U2SURP: variants seen among roughly 807,000 people sequenced by gnomAD.
The protein encoded by U2SURP is U2 snRNP-associated SURP motif-containing protein.
In U2SURP, 9 loss-of-function variants were observed where a neutral mutation model predicts 144.9. That is an observed-to-expected ratio of 0.06 (90% CI 0.04 to 0.11). The LOEUF is 0.11. Ranked by LOEUF, U2SURP falls within the 10% of genes least tolerant of loss-of-function variation. The pLI is 1.00. For synonymous variants in U2SURP, 408 were observed against 396.8 expected, an observed-to-expected ratio of 1.03 and a Z score of -0.33; for missense variants, 724 against 1,226.7, an observed-to-expected ratio of 0.59 and a Z score of 6.12.
chr3:143,014,935 T>G (rs1050970494), intron 4 of U2SURP, among the ~76,000 whole-genome samples: 1 of 152,258 alleles, frequency 6.6e-6, no homozygotes, highest in East Asian at 1.9e-4. Context: ...TTTGGTTTTT[T>G]TGCTAGTGTT....
intron 16 of U2SURP, among the ~76,000 whole-genome samples, chr3:143,028,852 C>T (rs940079970): frequency 1.3e-5 from 2 of 152,086 alleles, no homozygotes; most frequent in Non-Finnish European, 2.9e-5. Context: ...GAGTTTTCTC[C>T]TGGTAAAATT....
At chr3:143,052,836 C>CTAAGT (rs1396029349) in intron 25 of U2SURP, among the ~76,000 whole-genome samples, 12 of 152,116 alleles carry the variant, frequency 7.9e-5, no homozygotes, top group African/African-American at 2.9e-4. Context: ...TAGTGAAGAA[C>CTAAGT]TAAGTTAGTT....
chr3:143,036,435 A>C (rs1933812401), intron 20 of U2SURP, among the ~76,000 whole-genome samples: 2 of 152,242 alleles, frequency 1.3e-5, no homozygotes, highest in South Asian at 4.1e-4. Context: ...TAGCTATATA[A>C]GTAAAATATG....
intron 5 of U2SURP, 39 bp from the exon 6 acceptor site, chr3:143,016,803 T>A (rs1242493574): frequency 6.8e-7 from 1 of 1,475,080 alleles, no homozygotes; most frequent in Non-Finnish European, 9.0e-7. Flanking sequence ...AGAAAAATAT[T>A]GCGAAATTAG....
chr3:143,022,807 A>T, intron 11 of U2SURP, 46 bp from the exon 12 acceptor site: 1 of 1,481,858 alleles, frequency 6.7e-7, no homozygotes, highest in Non-Finnish European at 9.0e-7. Context: ...TTTTGTTTGG[A>T]AACTTTTGAG....
intron 4 of U2SURP, 38 bp downstream of exon 4, chr3:143,014,447 T>C (rs1303585363): frequency 1.4e-6 from 2 of 1,403,546 alleles, no homozygotes; most frequent in Non-Finnish European, 2.0e-6. Flanking sequence ...TCCTTGGAAA[T>C]GAATGTGTCT....
chr3:143,022,857 A>G lies in U2SURP; in HGVS notation c.1023A>G (p.Lys341=), dbSNP rs1246095981. Reference sequence around the variant, plus strand: ...CCTTTCATTTCTTTCTTGTAGGAAAAATGATTATGTCTTTTGAAATGAAGT... The same window carrying G: ...CCTTTCATTTCTTTCTTGTAGGAAAGATGATTATGTCTTTTGAAATGAAGT... The part of the protein sequence containing the change: ...AERALKNLNG[K]MIMSFEMKLG... The change falls in exon 12 of 28, where the codon AAA becomes AAG. Residue 341 remains lysine (K), a synonymous_variant. Coordinates refer to ENST00000473835, the MANE Select transcript of U2SURP (RefSeq NM_001080415.2). The G allele has an allele frequency of 2.6e-6, 4 of 1,559,832 alleles. No homozygotes were observed. The highest frequency in any genetic ancestry group is 1.4e-5 in the African/African-American group (1 of 72,378).
intron 23 of U2SURP, among the ~76,000 whole-genome samples, 179 bp downstream of exon 23, chr3:143,039,139 T>G (rs779871618): frequency 1.3e-5 from 2 of 151,988 alleles, no homozygotes; most frequent in Non-Finnish European, 2.9e-5. Flanking sequence ...TTTTCTGGTC[T>G]TGATGGATCT....
At position 143,054,938 on chromosome 3, in the gene U2SURP, C is replaced by T. The variant is rs1935067106; in HGVS notation, c.2775-5C>T. On this transcript the variant is annotated splice_polypyrimidine_tract_variant and splice_region_variant and intron_variant, in intron 26 of 27. Transcript: ENST00000473835. The stretch of plus-strand genomic sequence containing the variant: ...ATGGAATGTTTTGGGGGCTTTGTTC[C>T]ATAGGAAGAGGCGACACAGTACATC... 6 of 1,584,820 alleles carry T rather than the reference C, an allele frequency of 3.8e-6. No homozygotes were observed. In the East Asian group the frequency reaches 1.4e-4, roughly 36 times the overall value.
At chr3:143,037,392 C>T (rs1933869674) in intron 21 of U2SURP, 57 bp downstream of exon 21, 2 of 1,502,840 alleles carry the variant, frequency 1.3e-6, no homozygotes, top group Admixed American at 1.8e-5. Flanking sequence ...GACCAAAACT[C>T]TAATTTCCAT....
chr3:143,005,549 G>A (rs922347240), intron 1 of U2SURP, among the ~76,000 whole-genome samples: 1 of 152,150 alleles, frequency 6.6e-6, no homozygotes, highest in African/African-American at 2.4e-5. Flanking sequence ...CTGGAAGGTA[G>A]AACTGAACTT....
intron 1 of U2SURP, among the ~76,000 whole-genome samples, chr3:143,004,088 A>G (rs1560171275): frequency 6.6e-6 from 1 of 152,188 alleles, no homozygotes; most frequent in Non-Finnish European, 1.5e-5. Flanking sequence ...AGCCTTTGAT[A>G]TCTGGTTTGA....
chr3:143,023,289 A>C (rs1454116464), intron 12 of U2SURP: 1 of 459,424 alleles, frequency 2.2e-6, no homozygotes, highest in South Asian at 3.2e-5. Flanking sequence ...ACCACTTGTT[A>C]AGTTTTTTTT....
intron 24 of U2SURP, among the ~76,000 whole-genome samples, chr3:143,045,436 A>G (rs1321319706): frequency 6.6e-6 from 1 of 151,718 alleles, no homozygotes; most frequent in Non-Finnish European, 1.5e-5. Flanking sequence ...GTAGAAATAG[A>G]CTTGAGTTAA....
chr3:143,050,012 A>G (rs1934769391), intron 24 of U2SURP, among the ~76,000 whole-genome samples: 1 of 152,006 alleles, frequency 6.6e-6, no homozygotes, highest in African/African-American at 2.4e-5. Context: ...TGCAATGAAT[A>G]TCTTGTAAAA....
At chr3:143,040,268 A>G (rs934604063) in intron 23 of U2SURP, among the ~76,000 whole-genome samples, 3 of 151,916 alleles carry the variant, frequency 2.0e-5, no homozygotes, top group African/African-American at 7.2e-5. Context: ...ACATTTTAGC[A>G]TTGATGTTGG....
At chr3:143,054,174 T>A (rs1393975059) in intron 26 of U2SURP, among the ~76,000 whole-genome samples, 1 of 152,236 alleles carries the variant, frequency 6.6e-6, no homozygotes, top group Non-Finnish European at 1.5e-5. Flanking sequence ...AACTTGAGTC[T>A]TAGTCTTATC....
intron 25 of U2SURP, 69 bp from the exon 26 acceptor site, chr3:143,053,607 G>T: frequency 5.2e-6 from 5 of 966,208 alleles, no homozygotes; most frequent in Non-Finnish European, 7.4e-6. Context: ...AGAAGATATT[G>T]TTCTATAAAT....
At chr3:143,025,590 A>G (rs768540832) in intron 13 of U2SURP, among the ~76,000 whole-genome samples, 1 of 152,206 alleles carries the variant, frequency 6.6e-6, no homozygotes, top group Non-Finnish European at 1.5e-5. Context: ...CTTCAAAATA[A>G]TGTCATTAAC....
Sources: allele counts gnomAD v4.1 joint callset (sites outside exome capture counted in the v4.1 genomes callset), GRCh38; gene constraint gnomAD v4.1.1; transcripts MANE v1.5; gene names NCBI Gene and HGNC (gene_info 2026-07-23, HGNC 2026-07-21).